GPC5: variants seen among roughly 807,000 people sequenced by gnomAD.
GPC5 encodes glypican-5.
In GPC5, 47 loss-of-function variants were observed where a neutral mutation model predicts 53.9. The ratio of observed to expected loss-of-function variants is 0.87; its 90% CI spans 0.69 to 1.11. GPC5 has a LOEUF of 1.11. Ranked by LOEUF, GPC5 falls within the 50% of genes most tolerant of loss-of-function variation. GPC5 has a pLI of 0.00. For synonymous variants in GPC5, 286 were observed against 263.3 expected, an observed-to-expected ratio of 1.09 and a Z score of -0.84; for missense variants, 748 against 713.1, an observed-to-expected ratio of 1.05 and a Z score of -0.56.
chr13:92,007,756 T>C (rs2040620304), intron 6 of GPC5, among the ~76,000 whole-genome samples: 1 of 152,194 alleles, frequency 6.6e-6, no homozygotes, highest in African/African-American at 2.4e-5. Context: ...TCTAATCTGT[T>C]CTAGCTTGTT....
In GPC5 at chr13:92,040,640, A is replaced by G. The variant is rs539044471; in HGVS notation, c.1402-104190A>G. On this transcript the variant is annotated intron_variant, in intron 6 of 7. Coordinates refer to ENST00000377067, the MANE Select transcript of GPC5 (RefSeq NM_004466.6). ...TGCTCCTTACAATTTCCACTTTGCA[A>G]ACATTTACTCCTTTAACCCACTGCT... Among the ~76,000 whole-genome samples, 4 of 152,256 alleles carry G rather than the reference A, an allele frequency of 2.6e-5. No homozygotes were observed. The East Asian group carries it at 7.7e-4, about 29-fold the overall frequency.
chr13:92,347,416 C>A (rs2043422540), intron 7 of GPC5, among the ~76,000 whole-genome samples: 1 of 151,732 alleles, frequency 6.6e-6, no homozygotes, highest in African/African-American at 2.4e-5. Context: ...AAGCTTTTAA[C>A]CAAAAATACT....
At chr13:92,621,075 T>G (rs1170533652) in intron 7 of GPC5, among the ~76,000 whole-genome samples, 2 of 152,106 alleles carry the variant, frequency 1.3e-5, no homozygotes. Context: ...GAGGTCAACA[T>G]CTCTTTCTCT....
At chr13:91,401,429 T>TTTTCTAAGTAGTCA (rs1876948131) in intron 1 of GPC5, among the ~76,000 whole-genome samples, 1 of 152,210 alleles carries the variant, frequency 6.6e-6, no homozygotes, top group Non-Finnish European at 1.5e-5. Context: ...TTGACTATCA[T>TTTTCTAAGTAGTCA]ATTTTCTAAG....
At chr13:92,810,141 T>C (rs1241709811) in intron 7 of GPC5, among the ~76,000 whole-genome samples, 1 of 152,076 alleles carries the variant, frequency 6.6e-6, no homozygotes, top group Non-Finnish European at 1.5e-5. Flanking sequence ...GTATGGAGGT[T>C]ATTGAAAAAC....
chr13:91,651,718 CAA>C (rs36117858), intron 2 of GPC5, among the ~76,000 whole-genome samples: 10 of 91,822 alleles, frequency 1.1e-4, no homozygotes, highest in Non-Finnish European at 1.3e-4. Context: ...AACTCAGTCT[CAA>C]AAAAAAAAAA....
At chr13:92,684,623 A>G (rs1887205854) in intron 7 of GPC5, among the ~76,000 whole-genome samples, 1 of 152,162 alleles carries the variant, frequency 6.6e-6, no homozygotes, top group Non-Finnish European at 1.5e-5. Context: ...GCTACACCAT[A>G]GAGTGTTTGT....
intron 7 of GPC5, among the ~76,000 whole-genome samples, chr13:92,396,942 G>T (rs1875308149): frequency 2.6e-5 from 4 of 152,144 alleles, no homozygotes; most frequent in African/African-American, 9.7e-5. Flanking sequence ...GGAGGCCTTT[G>T]CTATGGAAAA....
intron 1 of GPC5, among the ~76,000 whole-genome samples, chr13:91,418,919 A>G (rs748652052): frequency 6.6e-6 from 1 of 151,880 alleles, no homozygotes; most frequent in Non-Finnish European, 1.5e-5. Context: ...GATATTTCTG[A>G]TGCATCTTTT....
intron 7 of GPC5, among the ~76,000 whole-genome samples, chr13:92,486,873 T>C (rs1442900449): frequency 6.6e-6 from 1 of 151,908 alleles, no homozygotes; most frequent in East Asian, 1.9e-4. Context: ...TTTTTTTTTT[T>C]CAGATGGAGT....
chr13:92,385,439 T>C lies in GPC5; in HGVS notation c.1561+240450T>C, dbSNP rs868549610. On this transcript the variant is annotated intron_variant, in intron 7 of 7. Transcript: ENST00000377067. The stretch of plus-strand genomic sequence containing the variant: ...ATATATACATATATACATATATACA[T>C]ATATACATATATACATATATACACA... 5.6e-3 allele frequency among the ~76,000 whole-genome samples: 600 copies of C among 108,086 alleles called. 27 individuals are homozygous for C. The highest frequency in any genetic ancestry group is 0.021 in the African/African-American group (568 of 26,814). 70.9% of individuals were successfully genotyped at this position (108,086 alleles called of 152,430 possible).
chr13:91,547,689 C>G (rs1300846836), intron 2 of GPC5, among the ~76,000 whole-genome samples: 1 of 152,000 alleles, frequency 6.6e-6, no homozygotes, highest in Non-Finnish European at 1.5e-5. Context: ...TACAAGAAAA[C>G]TACAGACCAA....
chr13:91,756,680 T>C (rs2037300347), intron 5 of GPC5, among the ~76,000 whole-genome samples: 1 of 152,174 alleles, frequency 6.6e-6, no homozygotes, highest in South Asian at 2.1e-4. Context: ...AATCCTACTT[T>C]TGAATTAAAC....
intron 7 of GPC5, among the ~76,000 whole-genome samples, chr13:92,564,780 T>C (rs1231985193): frequency 6.6e-6 from 1 of 152,024 alleles, no homozygotes; most frequent in African/African-American, 2.4e-5. Context: ...GTGGAATTTG[T>C]TTTTCTGTTC....
chr13:92,544,614 C>T (rs1161696330), intron 7 of GPC5, among the ~76,000 whole-genome samples: 1 of 152,062 alleles, frequency 6.6e-6, no homozygotes, highest in Non-Finnish European at 1.5e-5. Flanking sequence ...GTCAAATATT[C>T]CATGAAGCAG....
At chr13:92,816,483 G>A (rs1369216564) in intron 7 of GPC5, among the ~76,000 whole-genome samples, 3 of 151,950 alleles carry the variant, frequency 2.0e-5, no homozygotes, top group East Asian at 1.9e-4. Flanking sequence ...TACTCATTTC[G>A]GAAAGATTTA....
chr13:92,145,072 T>C, intron 7 of GPC5, 83 bp downstream of exon 7: 1 of 1,163,450 alleles, frequency 8.6e-7, no homozygotes, highest in Middle Eastern at 2.3e-4. Flanking sequence ...TGTAAAGAAA[T>C]AATGACAATT....
At chr13:92,029,255 A>C (rs1172455619) in intron 6 of GPC5, among the ~76,000 whole-genome samples, 2 of 152,320 alleles carry the variant, frequency 1.3e-5, no homozygotes, top group East Asian at 1.9e-4. Flanking sequence ...ATGAACATGC[A>C]CTAGGTATGA....
intron 7 of GPC5, among the ~76,000 whole-genome samples, chr13:92,763,860 C>T (rs1324286134): frequency 1.3e-5 from 2 of 152,092 alleles, no homozygotes; most frequent in Admixed American, 6.5e-5. Context: ...TGGGGAGCAG[C>T]GTACTATTGC....
Sources: gnomAD v4.1 joint callset for allele counts (sites outside exome capture counted in the v4.1 genomes callset) on GRCh38, gnomAD v4.1.1 for gene constraint, MANE v1.5 for transcripts, NCBI Gene and HGNC (gene_info 2026-07-23, HGNC 2026-07-21) for gene names.